Variants in NSUN6 observed in about 807,000 individuals in gnomAD.
The protein encoded by NSUN6 is tRNA (cytosine(72)-C(5))-methyltransferase NSUN6.
Under a neutral mutation model 58.0 loss-of-function variants are expected in NSUN6, and 64 were observed. The ratio of observed to expected loss-of-function variants is 1.10; its 90% CI spans 0.90 to 1.36. The LOEUF (loss-of-function observed/expected upper bound fraction) is 1.36. Among genes scored for constraint, NSUN6 ranks in the 40% most tolerant of loss-of-function variants. The probability of loss-of-function intolerance (pLI) is 0.00; values close to 1 mark genes in which losing one functional copy is unlikely to be tolerated. For missense variants in NSUN6, 701 were observed against 550.1 expected (o/e 1.27, Z -2.74); for synonymous variants, 231 against 193.9 (o/e 1.19, Z -1.59).
At chr10:18,630,770 A>C (rs1349318048) in intron 3 of NSUN6, among the ~76,000 whole-genome samples, 1 of 152,184 alleles carries the variant, frequency 6.6e-6, no homozygotes, top group Non-Finnish European at 1.5e-5. Flanking sequence ...TCAATAGCTT[A>C]CCCACCAAAG....
chr10:18,650,869 C>T (rs1313462991), intron 1 of NSUN6, among the ~76,000 whole-genome samples: 1 of 152,206 alleles, frequency 6.6e-6, no homozygotes, highest in Admixed American at 6.5e-5. Context: ...ATCCTTGTAA[C>T]CCTTTGTGCC....
intron 3 of NSUN6, among the ~76,000 whole-genome samples, chr10:18,624,255 C>T (rs2058708221): frequency 6.6e-6 from 1 of 151,822 alleles, no homozygotes; most frequent in African/African-American, 2.4e-5. Flanking sequence ...ATCCCTATGA[C>T]TAGATAGTAT....
chr10:18,560,719 G>C (rs1187846618), intron 8 of NSUN6, among the ~76,000 whole-genome samples: 1 of 151,324 alleles, frequency 6.6e-6, no homozygotes, highest in Non-Finnish European at 1.5e-5. Context: ...ATGAGGAATG[G>C]AATGGAATGG....
At chr10:18,625,275 C>T (rs940165106) in intron 3 of NSUN6, among the ~76,000 whole-genome samples, 11 of 152,286 alleles carry the variant, frequency 7.2e-5, no homozygotes, top group Non-Finnish European at 1.3e-4. Context: ...ATCTCTGATG[C>T]AGGTAATATC....
At position 18,600,959 on chromosome 10, in the gene NSUN6, T is replaced by TATATACATAC; in HGVS notation, c.658-4633_658-4632insGTATGTATAT. ...AAAAAAAAATATATATATATATATA[T>TATATACATAC]ACATATATATATATATATGTATATA... On this transcript the variant is annotated intron_variant, in intron 6 of 10. Coordinates refer to ENST00000377304, the MANE Select transcript of NSUN6 (RefSeq NM_182543.5). Among the ~76,000 whole-genome samples the TATATACATAC allele has an allele frequency of 1.2e-4, 8 of 64,946 alleles. No homozygotes were observed. In the East Asian group the frequency reaches 7.1e-3, roughly 58 times the overall value. 42.6% of individuals were successfully genotyped at this position (64,946 alleles called of 152,430 possible). A position where few individuals can be genotyped will look rare whatever the true frequency, so the allele number is the denominator to read the frequency against.
intron 8 of NSUN6, among the ~76,000 whole-genome samples, chr10:18,556,820 T>C (rs1054365591): frequency 7.3e-6 from 1 of 137,720 alleles, no homozygotes; most frequent in Non-Finnish European, 1.6e-5. Context: ...AAATGGAGAG[T>C]GGAATGCAAT....
intron 8 of NSUN6, among the ~76,000 whole-genome samples, chr10:18,575,252 T>A (rs557897416): frequency 2.0e-5 from 3 of 152,176 alleles, no homozygotes; most frequent in Non-Finnish European, 4.4e-5. Context: ...TTGCTTAGTA[T>A]ATAAGAAAAC....
intron 6 of NSUN6, among the ~76,000 whole-genome samples, chr10:18,606,419 G>C (rs1483044376): frequency 2.0e-5 from 3 of 151,890 alleles, no homozygotes; most frequent in African/African-American, 7.3e-5. Context: ...GAGACATCAT[G>C]ATTAAATGCA....
chr10:18,548,344 AATG>A (rs1426253712), intron 9 of NSUN6, 107 bp from the exon 10 acceptor site: 24 of 996,924 alleles, frequency 2.4e-5, no homozygotes, highest in African/African-American at 4.8e-5. Context: ...GGATAAATAA[AATG>A]ATGTTCTATG....
rs1157119981 is a variant in NSUN6, at chr10:18,631,617, A to G, written c.311+10859T>C. ...CATTCTTATACACCAACAACAGACAAACAGAGAGCCAAATCATGAGTGAAC... is the reference window on the plus strand; with the variant it reads ...CATTCTTATACACCAACAACAGACAGACAGAGAGCCAAATCATGAGTGAAC... On this transcript the variant is annotated intron_variant, in intron 3 of 10. Coordinates refer to ENST00000377304, the MANE Select transcript of NSUN6 (RefSeq NM_182543.5). Among the ~76,000 whole-genome samples, 4 of 141,976 alleles carry G rather than the reference A, an allele frequency of 2.8e-5. No individual in the cohort carries two copies. The East Asian group carries it at 8.5e-4, about 30-fold the overall frequency. 93.1% of individuals were successfully genotyped at this position (141,976 alleles called of 152,430 possible).
intron 3 of NSUN6, among the ~76,000 whole-genome samples, chr10:18,641,673 C>A (rs1272041173): frequency 1.7e-5 from 1 of 57,784 alleles, no homozygotes; most frequent in Admixed American, 1.3e-4. Flanking sequence ...CAGATCCAGC[C>A]TGAAACCTAT....
chr10:18,605,924 C>A lies in NSUN6; in HGVS notation c.657+3921G>T, dbSNP rs182133641. On this transcript the variant is annotated intron_variant, in intron 6 of 10. Coordinates refer to ENST00000377304, the MANE Select transcript of NSUN6 (RefSeq NM_182543.5). ...TCCAAAATGGAACAATTCTATTAAA[C>A]AACTTATGACAAAACGGAAAGAATA... 1.1e-4 allele frequency among the ~76,000 whole-genome samples: 17 copies of A among 152,100 alleles called. 1 individual carries two copies. The East Asian group carries it at 3.3e-3, about 29-fold the overall frequency.
At chr10:18,620,077 T>A (rs1185045858) in intron 3 of NSUN6, among the ~76,000 whole-genome samples, 2 of 137,402 alleles carry the variant, frequency 1.5e-5, no homozygotes, top group Admixed American at 7.9e-5. Context: ...ATCTAATTTT[T>A]ACTAATAAAA....
intron 8 of NSUN6, 22 bp downstream of exon 8, chr10:18,585,927 T>C (rs1410768955): frequency 1.3e-6 from 2 of 1,561,226 alleles, no homozygotes; most frequent in African/African-American, 1.4e-5. Flanking sequence ...CAATTAAAAA[T>C]AAGAAAATCA....
chr10:18,621,757 G>A (rs961874944), intron 3 of NSUN6, among the ~76,000 whole-genome samples: 3 of 152,166 alleles, frequency 2.0e-5, no homozygotes, highest in Non-Finnish European at 4.4e-5. Context: ...ATTAAAAACA[G>A]ATTATGGGAA....
chr10:18,598,385 G>A (rs2057679151), intron 6 of NSUN6, among the ~76,000 whole-genome samples: 1 of 152,194 alleles, frequency 6.6e-6, no homozygotes, highest in Non-Finnish European at 1.5e-5. Flanking sequence ...ACATGGACAC[G>A]TGAGACACTA....
At chr10:18,632,563 AAAAC>A (rs1280472108) in intron 3 of NSUN6, among the ~76,000 whole-genome samples, 2 of 151,750 alleles carry the variant, frequency 1.3e-5, no homozygotes, top group Non-Finnish European at 2.9e-5. Flanking sequence ...TTACAAGAAA[AAAAC>A]AAACAACCCC....
At chr10:18,569,016 C>G (rs2056172419) in intron 8 of NSUN6, among the ~76,000 whole-genome samples, 1 of 151,168 alleles carries the variant, frequency 6.6e-6, no homozygotes, top group East Asian at 1.9e-4. Context: ...ATTATATTCT[C>G]CCTTCCATTA....
chr10:18,577,392 G>A (rs2056702804), intron 8 of NSUN6, among the ~76,000 whole-genome samples: 1 of 152,122 alleles, frequency 6.6e-6, no homozygotes, highest in East Asian at 1.9e-4. Flanking sequence ...TAAATGGAAA[G>A]GAATAATAGC....
Sources: allele counts gnomAD v4.1 joint callset (sites outside exome capture counted in the v4.1 genomes callset), GRCh38; gene constraint gnomAD v4.1.1; transcripts MANE v1.5; gene names NCBI Gene and HGNC (gene_info 2026-07-23, HGNC 2026-07-21).